PCDHGA9: variants seen among roughly 807,000 people sequenced by gnomAD.
PCDHGA9 encodes protocadherin gamma subfamily A, 9, also known as protocadherin gamma-A9.
A neutral mutation model predicts 62.5 loss-of-function variants in PCDHGA9; 37 were observed. That is an observed-to-expected ratio of 0.59 (90% CI 0.46 to 0.78). The LOEUF (loss-of-function observed/expected upper bound fraction) is 0.78, where lower values mean the gene tolerates loss of function less well. Among genes scored for constraint, PCDHGA9 ranks in the 30% least tolerant of loss-of-function variants. PCDHGA9 has a pLI of 0.00. For missense variants in PCDHGA9, 1,138 were observed against 1,166.2 expected (o/e 0.98, Z 0.35); for synonymous variants, 459 against 484.6 (o/e 0.95, Z 0.69).
At chr5:141,438,583 CAT>C (rs1561889590) in intron 1 of PCDHGA9, among the ~76,000 whole-genome samples, 4 of 57,610 alleles carry the variant, frequency 6.9e-5, no homozygotes, top group African/African-American at 3.6e-4. Flanking sequence ...TACATACATA[CAT>C]ACATACATAT....
intron 2 of PCDHGA9, among the ~76,000 whole-genome samples, chr5:141,502,834 A>G (rs1398558120): frequency 6.7e-6 from 1 of 149,378 alleles, no homozygotes; most frequent in Non-Finnish European, 1.5e-5. Flanking sequence ...GGAAGCCTGG[A>G]CTGGCTGAGC....
intron 1 of PCDHGA9, chr5:141,408,275 T>C: frequency 1.2e-6 from 2 of 1,611,874 alleles, no homozygotes; most frequent in Non-Finnish European, 1.7e-6. Flanking sequence ...GCTGCCTTTG[T>C]TCTACCCCAC....
chr5:141,489,229 G>A lies in PCDHGA9; in HGVS notation c.2425-5578G>A, dbSNP rs1188849525. 5.9e-6 allele frequency: 9 copies of A among 1,522,134 alleles called. No homozygotes were observed. In the Admixed American group the frequency reaches 6.4e-5, roughly 11 times the overall value. 94.3% of individuals were successfully genotyped at this position (1,522,134 alleles called of 1,614,324 possible). On this transcript the variant is annotated intron_variant, in intron 1 of 3. Transcript: ENST00000573521. The surrounding 1 kb of genome is among the most constrained non-coding windows in gnomAD (Gnocchi z 4.5). The stretch of plus-strand genomic sequence containing the variant: ...AGCACAGACTTACTCTCCACAAAGG[G>A]ACTTCTGGGTCATGGGGCCCAAGAC...
At chr5:141,500,417 G>A in intron 2 of PCDHGA9, among the ~76,000 whole-genome samples, 1 of 151,736 alleles carries the variant, frequency 6.6e-6, no homozygotes, top group East Asian at 2.0e-4. Flanking sequence ...CACCGTGTTA[G>A]CCAGGATGGT....
intron 1 of PCDHGA9, 157 bp from the exon 2 acceptor site, chr5:141,494,645 GTGTAT>G: frequency 1.1e-6 from 1 of 935,948 alleles, no homozygotes; most frequent in Non-Finnish European, 1.3e-6. Context: ...GAGACCTGAG[GTGTAT>G]TTTGTCTTTG....
intron 1 of PCDHGA9, among the ~76,000 whole-genome samples, chr5:141,483,945 ATTGTG>A (rs2099589210): frequency 8.3e-6 from 1 of 120,394 alleles, no homozygotes; most frequent in Non-Finnish European, 1.6e-5. Context: ...TACGGTGTGA[ATTGTG>A]TTGTGTTTCT....
rs1163477660 is a variant in PCDHGA9, at chr5:141,405,246, A to G, written c.2294A>G (p.Lys765Arg). Reference protein sequence around the residue: ...QEFSLTADSRKSHLIFPQPNY... With the variant: ...QEFSLTADSRRSHLIFPQPNY... The stretch of plus-strand genomic sequence containing the variant: ...TTCTCCCTCACCGCTGACTCAAGGA[A>G]GAGTCACCTGATCTTCCCCCAGCCC... Residue 765 changes from lysine to arginine, a missense_variant, in exon 1 of 4, where the codon AAG (lysine) becomes AGG (arginine). Transcript: ENST00000573521. 6.2e-6 allele frequency: 10 copies of G among 1,614,126 alleles called. No homozygotes were observed. Among genetic ancestry groups the G allele is most frequent in the Non-Finnish European group, 8.5e-6 (10 of 1,180,012 alleles).
chr5:141,409,438 A>G (rs1459982502), intron 1 of PCDHGA9: 2 of 1,613,984 alleles, frequency 1.2e-6, no homozygotes, highest in Non-Finnish European at 1.7e-6. Flanking sequence ...CCCTGGACCG[A>G]GAGCAGACAC....
Position 141,404,772 on chromosome 5 carries a change from G to T in PCDHGA9, c.1820G>T (p.Arg607Leu). The part of the protein sequence containing the change: ...DSGQNAWLSY[R>L]LFKASEPGLF... ...GGCCAGAATGCTTGGCTCTCCTACCGCCTATTCAAGGCCAGTGAGCCAGGG... is the reference window on the plus strand; with the variant it reads ...GGCCAGAATGCTTGGCTCTCCTACCTCCTATTCAAGGCCAGTGAGCCAGGG... The change falls in exon 1 of 4, where the codon CGC (arginine) becomes CTC (leucine). Residue 607 changes from arginine (R) to leucine (L), a missense_variant. Physicochemically the swap from Arg to Leu is moderately radical, Grantham distance 102. Transcript: ENST00000573521. 1.2e-6 allele frequency: 2 copies of T among 1,613,820 alleles called. No homozygotes were observed. The highest frequency in any genetic ancestry group is 1.3e-5 in the African/African-American group (1 of 74,910).
intron 1 of PCDHGA9, chr5:141,419,499 G>A: frequency 6.2e-7 from 1 of 1,612,368 alleles, no homozygotes; most frequent in Non-Finnish European, 8.5e-7. Context: ...GCCAATGTGA[G>A]CCTGCGCGTG....
chr5:141,470,379 A>G (rs1210709847), intron 1 of PCDHGA9, among the ~76,000 whole-genome samples: 1 of 152,086 alleles, frequency 6.6e-6, no homozygotes, highest in East Asian at 1.9e-4. Flanking sequence ...TGGAAAGACT[A>G]CTCGATGATA....
chr5:141,491,409 G>C lies in PCDHGA9; in HGVS notation c.2425-3398G>C, dbSNP rs2099711927. 6.2e-7 allele frequency: 1 copy of C among 1,614,000 alleles called. No homozygotes were observed. Among genetic ancestry groups the C allele is most frequent in the Non-Finnish European group, 8.5e-7 (1 of 1,180,022 alleles). The stretch of plus-strand genomic sequence containing the variant: ...AGTGCCTTCAGGGAAACGCAGACGG[G>C]GACGGGGGTGGAGGGCAGTGCTGCA... On this transcript the variant is annotated intron_variant, in intron 1 of 3. Coordinates refer to ENST00000573521, the MANE Select transcript of PCDHGA9 (RefSeq NM_018921.3). This position sits in a 1 kb window ranked among gnomAD's most constrained non-coding sequence, Gnocchi z 6.9.
At position 141,511,247 on chromosome 5, in the gene PCDHGA9, C is replaced by A; in HGVS notation, c.*74C>A. The A allele has an allele frequency of 1.3e-6, 2 of 1,577,162 alleles. No individual in the cohort carries two copies. The highest frequency in any genetic ancestry group is 1.7e-6 in the Non-Finnish European group (2 of 1,161,712). On this transcript the variant is annotated 3_prime_UTR_variant, in exon 4 of 4. Transcript: ENST00000573521. Reference sequence around the variant, plus strand: ...CAGCTTCTCCTTACCTGCACCCAGGCCTCAGAGTTTCAGGGCTAACCCCCA... The same window carrying A: ...CAGCTTCTCCTTACCTGCACCCAGGACTCAGAGTTTCAGGGCTAACCCCCA...
chr5:141,414,466 G>A, intron 1 of PCDHGA9: 1 of 1,613,872 alleles, frequency 6.2e-7, no homozygotes, highest in Non-Finnish European at 8.5e-7. Flanking sequence ...AGCCACAGAT[G>A]GGGGAAGTCC....
Position 141,404,513 on chromosome 5 carries a change from G to A in PCDHGA9, c.1561G>A (p.Asp521Asn). ...TGVLYALCSF[D>N]YEQFRDLQMQ... ...TGTGCTGTATGCTCTGTGCTCCTTTGACTATGAGCAGTTTAGAGATTTGCA... is the reference window on the plus strand; with the variant it reads ...TGTGCTGTATGCTCTGTGCTCCTTTAACTATGAGCAGTTTAGAGATTTGCA... Residue 521 changes from aspartate (D) to asparagine (N), a missense_variant, in exon 1 of 4, where the codon GAC becomes AAC. Physicochemically the swap from Asp to Asn is conservative, Grantham distance 23. Coordinates refer to ENST00000573521, the MANE Select transcript of PCDHGA9 (RefSeq NM_018921.3). The A allele has an allele frequency of 1.2e-6, 2 of 1,613,786 alleles. No individual in the cohort carries two copies. The highest frequency in any genetic ancestry group is 1.7e-6 in the Non-Finnish European group (2 of 1,179,734).
intron 1 of PCDHGA9, among the ~76,000 whole-genome samples, chr5:141,420,581 C>T (rs1024544346): frequency 2.6e-5 from 4 of 151,994 alleles, no homozygotes; most frequent in Admixed American, 6.5e-5. Flanking sequence ...TAATTGAAAC[C>T]CTGATGCTAC....
rs754836894 is a variant in PCDHGA9 at position 141,432,969 on chromosome 5, C to G, written c.2424+27593C>G. ...GGAGGCGGCTTGACAGGAGCGCCGG[C>G]GTCGCACTTTGTGGGCGTGGACGGG... On this transcript the variant is annotated intron_variant, in intron 1 of 3. Coordinates refer to ENST00000573521, the MANE Select transcript of PCDHGA9 (RefSeq NM_018921.3). The surrounding 1 kb of genome is among the most constrained non-coding windows in gnomAD (Gnocchi z 6.0). 5.0e-6 allele frequency: 8 copies of G among 1,614,030 alleles called. No homozygotes were observed. In the Admixed American group the frequency reaches 5.0e-5, roughly 10 times the overall value.
chr5:141,430,395 A>C (rs1461176471), intron 1 of PCDHGA9, among the ~76,000 whole-genome samples: 1 of 152,096 alleles, frequency 6.6e-6, no homozygotes, highest in Non-Finnish European at 1.5e-5. Context: ...AAAAAAAAAA[A>C]AGCTCACTAA....
rs770623588 is a variant in PCDHGA9, at chr5:141,410,424, C to A, written c.2424+5048C>A. ...GTCAAGTCTGGACCTGTAGTTCCCC[C>A]CAACTACAGTGAGGGGACTTTGCCT... is the stretch of plus-strand genomic sequence containing the variant. On this transcript the variant is annotated intron_variant, in intron 1 of 3. Transcript: ENST00000573521. The A allele has an allele frequency of 1.1e-5, 17 of 1,613,852 alleles. No homozygotes were observed. In the East Asian group the frequency reaches 3.6e-4, roughly 34 times the overall value.
Sources: allele counts gnomAD v4.1 joint callset (sites outside exome capture counted in the v4.1 genomes callset), GRCh38; gene constraint gnomAD v4.1.1; non-coding constraint Gnocchi (gnomAD v3.1); transcripts MANE v1.5; gene names NCBI Gene and HGNC (gene_info 2026-07-23, HGNC 2026-07-21).